VCL: variants seen among roughly 807,000 people sequenced by gnomAD.
The protein encoded by VCL is epididymis luminal protein 114.
Under a neutral mutation model 125.7 loss-of-function variants are expected in VCL, and 47 were observed. The observed-to-expected ratio is 0.37, with a 90% CI of 0.30 to 0.48. VCL has a LOEUF of 0.48. Ranked by LOEUF, VCL falls within the 20% of genes least tolerant of loss-of-function variation. The probability of loss-of-function intolerance (pLI) is 0.99; values close to 1 mark genes in which losing one functional copy is unlikely to be tolerated. For missense variants in VCL, 1,069 were observed against 1,455.5 expected, an observed-to-expected ratio of 0.73 and a Z score of 4.32; for synonymous variants, 458 against 514.6, an observed-to-expected ratio of 0.89 and a Z score of 1.49.
intron 1 of VCL, among the ~76,000 whole-genome samples, chr10:73,998,764 G>T (rs369182350): frequency 6.6e-6 from 1 of 152,214 alleles, no homozygotes; most frequent in African/African-American, 2.4e-5. Flanking sequence ...TGACTTCCTC[G>T]CTCTCAGCGC....
chr10:74,060,437 G>A (rs368961937), intron 2 of VCL, among the ~76,000 whole-genome samples: 22 of 152,162 alleles, frequency 1.4e-4, no homozygotes, highest in African/African-American at 3.9e-4. Flanking sequence ...TGGATCACTT[G>A]AGGTCAGGAG....
rs930443014 is a variant in VCL at position 73,998,116 on chromosome 10, A to C, written c.-92A>C. On this transcript the variant is annotated 5_prime_UTR_variant, in exon 1 of 22. Transcript: ENST00000211998. Reference sequence around the variant, plus strand: ...ACGCCGAGGGAAGCCCCGACTCCGTAGTCGCTGCACAGTCTGTCTCTTCGC... The same window carrying C: ...ACGCCGAGGGAAGCCCCGACTCCGTCGTCGCTGCACAGTCTGTCTCTTCGC... 4 of 1,546,554 alleles carry C rather than the reference A, an allele frequency of 2.6e-6. No homozygotes were observed. In the African/African-American group the frequency reaches 5.5e-5, roughly 21 times the overall value.
chr10:74,045,619 T>C (rs181994942), intron 2 of VCL, among the ~76,000 whole-genome samples: 1,500 of 119,014 alleles, frequency 0.013, 26 homozygotes, highest in African/African-American at 0.04. Flanking sequence ...TGAGACTCTG[T>C]CTCAAAAAAA....
At chr10:74,035,843 G>A (rs1268589283) in intron 1 of VCL, among the ~76,000 whole-genome samples, 1 of 152,180 alleles carries the variant, frequency 6.6e-6, no homozygotes, top group East Asian at 1.9e-4. Flanking sequence ...TTGCATCTGT[G>A]TTGAACATGT....
chr10:74,119,908 T>C lies in VCL; in HGVS notation c.*1739T>C, dbSNP rs1240190630. Reference sequence around the variant, plus strand: ...TACTTAGAGGAAATAAGAAAAATCATGTTTGCTCTCCCGGTTCTTCCAGTG... The same window carrying C: ...TACTTAGAGGAAATAAGAAAAATCACGTTTGCTCTCCCGGTTCTTCCAGTG... On this transcript the variant is annotated 3_prime_UTR_variant, in exon 22 of 22. Coordinates refer to ENST00000211998, the MANE Select transcript of VCL (RefSeq NM_014000.3). 1.3e-5 allele frequency: 2 copies of C among 152,506 alleles called. No individual in the cohort carries two copies. The highest frequency in any genetic ancestry group is 4.8e-5 in the African/African-American group (2 of 41,416). The allele number at this position is 152,506 out of a possible 1,614,324, so 9.4% of individuals were successfully genotyped here. A position where few individuals can be genotyped will look rare whatever the true frequency, so the allele number is the denominator to read the frequency against.
chr10:74,093,125 C>T (rs926548583), intron 10 of VCL, among the ~76,000 whole-genome samples: 4 of 152,040 alleles, frequency 2.6e-5, no homozygotes, highest in Non-Finnish European at 4.4e-5. Flanking sequence ...GGTGAAAACC[C>T]GTTTCTACTA....
At chr10:74,037,803 A>G (rs1379482263) in intron 1 of VCL, among the ~76,000 whole-genome samples, 1 of 152,202 alleles carries the variant, frequency 6.6e-6, no homozygotes, top group Non-Finnish European at 1.5e-5. Context: ...TGAAGGTTAT[A>G]GTAGCTGTGT....
chr10:74,063,609 C>G (rs528690093), intron 2 of VCL: 5 of 152,296 alleles, frequency 3.3e-5, no homozygotes, highest in Admixed American at 2.0e-4. Context: ...GAATTCTGTA[C>G]TGCTATAATA....
intron 18 of VCL, 129 bp downstream of exon 18, chr10:74,109,285 A>C: frequency 1.7e-6 from 2 of 1,160,254 alleles, no homozygotes; most frequent in Non-Finnish European, 2.5e-6. Context: ...TGTGTTGCCA[A>C]TAGCATATTC....
chr10:74,042,202 C>A (rs1841106535), intron 1 of VCL, among the ~76,000 whole-genome samples: 1 of 152,028 alleles, frequency 6.6e-6, no homozygotes, highest in South Asian at 2.1e-4. Flanking sequence ...GTTTTTATAA[C>A]CATTGTTTTA....
intron 6 of VCL, among the ~76,000 whole-genome samples, chr10:74,079,077 A>C (rs1271765452): frequency 6.6e-6 from 1 of 152,176 alleles, no homozygotes; most frequent in Non-Finnish European, 1.5e-5. Context: ...TCTATGTTTA[A>C]TTTAAGGAGT....
intron 16 of VCL, 116 bp downstream of exon 16, chr10:74,105,469 G>A: frequency 7.8e-7 from 1 of 1,279,918 alleles, no homozygotes; most frequent in African/African-American, 1.5e-5. Context: ...AAAAACTATA[G>A]ACACTTAGTT....
intron 10 of VCL, among the ~76,000 whole-genome samples, chr10:74,093,301 C>A (rs1464134647): frequency 6.6e-6 from 1 of 151,824 alleles, no homozygotes; most frequent in African/African-American, 2.4e-5. Flanking sequence ...CATCTCAAAA[C>A]AAAACAAACA....
intron 21 of VCL, among the ~76,000 whole-genome samples, chr10:74,117,217 G>A (rs1480534946): frequency 6.6e-6 from 1 of 151,926 alleles, no homozygotes. Flanking sequence ...AAATACTGGG[G>A]GTATGACAGT....
At chr10:74,082,972 G>T (rs1054623112) in intron 7 of VCL, among the ~76,000 whole-genome samples, 1 of 152,144 alleles carries the variant, frequency 6.6e-6, no homozygotes. Flanking sequence ...ACCCAAATAG[G>T]TTATTGAACT....
At position 73,998,521 on chromosome 10, in the gene VCL, T is replaced by A. The variant is rs371489159; in HGVS notation, c.168+146T>A. ...AGGCGCCGAGGGTTCGAATGGCCTC[T>A]TCTCCGCCCTGTGACCTTGAGCGAG... On this transcript the variant is annotated intron_variant, in intron 1 of 21. Transcript: ENST00000211998. The A allele has an allele frequency of 3.5e-5, 28 of 794,918 alleles. 1 individual carries two copies. The South Asian group carries it at 4.7e-4, about 13-fold the overall frequency. 49.2% of individuals were successfully genotyped at this position (794,918 alleles called of 1,614,324 possible).
In VCL at chr10:74,028,417, A is replaced by G. The variant is rs1265574622; in HGVS notation, c.169-14666A>G. On this transcript the variant is annotated intron_variant, in intron 1 of 21. Transcript: ENST00000211998. ...TCTTTTTTTTTTTTTTTTTTTTGAGACAGGGTTTCGCTCTTGTCACCCAGG... is the reference window on the plus strand; with the variant it reads ...TCTTTTTTTTTTTTTTTTTTTTGAGGCAGGGTTTCGCTCTTGTCACCCAGG... Among the ~76,000 whole-genome samples the G allele has an allele frequency of 2.1e-4, 27 of 130,232 alleles. No individual in the cohort carries two copies. In the Admixed American group the frequency reaches 2.1e-3, roughly 10 times the overall value. The allele number at this position is 130,232 out of a possible 152,430, so 85.4% of individuals were successfully genotyped here.
intron 13 of VCL, among the ~76,000 whole-genome samples, chr10:74,099,496 T>C (rs1346609580): frequency 6.6e-6 from 1 of 152,204 alleles, no homozygotes; most frequent in Non-Finnish European, 1.5e-5. Context: ...GCACACTGTA[T>C]TGTAAATCTG....
At chr10:74,113,683 G>A (rs993382106) in intron 19 of VCL, among the ~76,000 whole-genome samples, 3 of 151,982 alleles carry the variant, frequency 2.0e-5, no homozygotes, top group African/African-American at 7.3e-5. Context: ...GGGTAAGCAT[G>A]AAGAGGGTGA....
Sources: gnomAD v4.1 joint callset for allele counts (sites outside exome capture counted in the v4.1 genomes callset) on GRCh38, gnomAD v4.1.1 for gene constraint, MANE v1.5 for transcripts, NCBI Gene and HGNC (gene_info 2026-07-23, HGNC 2026-07-21) for gene names.